Variants in CNGA1 observed in about 807,000 individuals in gnomAD.
CNGA1 encodes cyclic nucleotide gated channel subunit alpha 1, also known as cyclic nucleotide-gated channel alpha-1.
In CNGA1, 53 loss-of-function variants were observed where a neutral mutation model predicts 69.7. The observed-to-expected ratio is 0.76, with a 90% CI of 0.61 to 0.96. CNGA1 has a LOEUF of 0.96. Among genes scored for constraint, CNGA1 ranks in the 40% least tolerant of loss-of-function variants. The pLI is 0.00. For synonymous variants in CNGA1, 249 were observed against 283.5 expected, an observed-to-expected ratio of 0.88 and a Z score of 1.22; for missense variants, 739 against 811.2, an observed-to-expected ratio of 0.91 and a Z score of 1.08.
At chr4:47,983,608 AAAAAAGTAAAAG>A (rs879284092) in intron 2 of CNGA1, among the ~76,000 whole-genome samples, 8 of 149,568 alleles carry the variant, frequency 5.3e-5, no homozygotes, top group South Asian at 4.2e-4. Flanking sequence ...CAACAACAAA[AAAAAAGTAAAAG>A]AAAAAGAAAA....
chr4:47,989,829 A>G lies in CNGA1; in HGVS notation c.-122-8329T>C, dbSNP rs561512728. On this transcript the variant is annotated intron_variant, in intron 2 of 10. Coordinates refer to ENST00000514170, the MANE Select transcript of CNGA1 (RefSeq NM_001379270.1). ...CCTTTCCCCCTGATTCCCCAAGTCC[A>G]TTGTGTCATTCTTATTGCGGGAAGT... 1.4e-4 allele frequency among the ~76,000 whole-genome samples: 21 copies of G among 151,574 alleles called. 1 individual carries two copies. Among genetic ancestry groups the G allele is most frequent in the South Asian group, 6.2e-4 (3 of 4,818 alleles).
At chr4:47,945,605 C>G (rs1039121950) in intron 6 of CNGA1, among the ~76,000 whole-genome samples, 2 of 152,138 alleles carry the variant, frequency 1.3e-5, no homozygotes, top group South Asian at 4.2e-4. Context: ...ATGGTGTTTC[C>G]CACTGGGTCC....
chr4:47,985,375 C>A (rs1446018797), intron 2 of CNGA1, among the ~76,000 whole-genome samples: 1 of 152,152 alleles, frequency 6.6e-6, no homozygotes, highest in East Asian at 1.9e-4. Context: ...CTACCTCATA[C>A]ACAGATGATG....
At chr4:47,983,822 T>A (rs1741855821) in intron 2 of CNGA1, among the ~76,000 whole-genome samples, 1 of 152,144 alleles carries the variant, frequency 6.6e-6, no homozygotes, top group African/African-American at 2.4e-5. Flanking sequence ...ATCTACTTCA[T>A]CTTTTGAAGA....
At chr4:47,953,152 A>G (rs1402864382) in intron 3 of CNGA1, among the ~76,000 whole-genome samples, 1 of 151,970 alleles carries the variant, frequency 6.6e-6, no homozygotes, top group Non-Finnish European at 1.5e-5. Context: ...CAACCCTACC[A>G]TTTTTCTAAG....
rs1738615604 is a variant in CNGA1 at position 47,935,998 on chromosome 4, A to T, written c.*423T>A. 5.2e-6 allele frequency: 1 copy of T among 190,792 alleles called. No individual in the cohort carries two copies. The highest frequency in any genetic ancestry group is 1.0e-4 in the South Asian group (1 of 9,736). 11.8% of individuals were successfully genotyped at this position (190,792 alleles called of 1,614,324 possible). A position where few individuals can be genotyped will look rare whatever the true frequency, so the allele number is the denominator to read the frequency against. ...ACAGTTGCATAATTAATTTTACTTT[A>T]TTGCAGTCTAATTTTTAAAAATGTT... On this transcript the variant is annotated 3_prime_UTR_variant, in exon 11 of 11. Coordinates refer to ENST00000514170, the MANE Select transcript of CNGA1 (RefSeq NM_001379270.1).
At chr4:48,004,630 A>C (rs1018659482) in intron 2 of CNGA1, among the ~76,000 whole-genome samples, 1 of 152,164 alleles carries the variant, frequency 6.6e-6, no homozygotes, top group Non-Finnish European at 1.5e-5. Context: ...CTCATGTCCT[A>C]TAAAGAGAAA....
rs570089116 is a variant in CNGA1 at position 47,998,760 on chromosome 4, G to C, written c.-123+12034C>G. On this transcript the variant is annotated intron_variant, in intron 2 of 10. Coordinates refer to ENST00000514170, the MANE Select transcript of CNGA1 (RefSeq NM_001379270.1). ...ACTGCTGCACTCCAGTTGGGCAACA[G>C]AGCGAGACTCCATCTCAAAAATAAA... is the stretch of plus-strand genomic sequence containing the variant. 4.6e-5 allele frequency among the ~76,000 whole-genome samples: 7 copies of C among 152,230 alleles called. No homozygotes were observed. In the South Asian group the frequency reaches 1.5e-3, roughly 32 times the overall value.
intron 2 of CNGA1, among the ~76,000 whole-genome samples, chr4:48,010,593 A>T (rs909026269): frequency 9.9e-5 from 15 of 152,134 alleles, no homozygotes; most frequent in Non-Finnish European, 1.8e-4. Context: ...ATTCCAAGGA[A>T]TGGAATCTTA....
chr4:47,990,459 C>T (rs1394438723), intron 2 of CNGA1, among the ~76,000 whole-genome samples: 1 of 152,088 alleles, frequency 6.6e-6, no homozygotes, highest in East Asian at 1.9e-4. Context: ...TCTAGTCAGA[C>T]CAGTTCTCTG....
At chr4:48,000,861 T>C (rs944922008) in intron 2 of CNGA1, among the ~76,000 whole-genome samples, 1 of 152,198 alleles carries the variant, frequency 6.6e-6, no homozygotes, top group Non-Finnish European at 1.5e-5. Flanking sequence ...TATACTTTTG[T>C]ACCTAGGGAA....
At chr4:47,953,849 G>C (rs2110162684) in intron 3 of CNGA1, among the ~76,000 whole-genome samples, 1 of 152,342 alleles carries the variant, frequency 6.6e-6, no homozygotes, top group East Asian at 1.9e-4. Context: ...ACAGGGAAGT[G>C]CTGGGTAGAG....
At chr4:47,948,873 A>T (rs1739580085) in intron 6 of CNGA1, among the ~76,000 whole-genome samples, 1 of 152,158 alleles carries the variant, frequency 6.6e-6, no homozygotes, top group South Asian at 2.1e-4. Flanking sequence ...AGACCAGCAG[A>T]TGTGCTGGCT....
chr4:48,006,381 TAAC>T (rs1449233179), intron 2 of CNGA1, among the ~76,000 whole-genome samples: 1 of 152,164 alleles, frequency 6.6e-6, no homozygotes, highest in Non-Finnish European at 1.5e-5. Flanking sequence ...TAATTTAACA[TAAC>T]AATTATAATT....
chr4:47,951,382 C>T lies in CNGA1; in HGVS notation c.195G>A (p.Lys65=), dbSNP rs1197094380. The change falls in exon 5 of 11, where the codon AAG becomes AAA. Residue 65 remains lysine (K), a synonymous_variant. Transcript: ENST00000514170. ...NPHARGSFSY[K]SLRKGGPSQR... ...GTGATGGTCCTCCCTTTCTGAGTGA[C>T]TTATAACTAAAGGAACCCCTTGCAT... 6.8e-6 allele frequency: 11 copies of T among 1,612,916 alleles called. No individual in the cohort carries two copies. In the South Asian group the frequency reaches 1.2e-4, roughly 18 times the overall value.
At chr4:47,972,227 AATAC>A (rs1741085697) in intron 3 of CNGA1, among the ~76,000 whole-genome samples, 1 of 152,158 alleles carries the variant, frequency 6.6e-6, no homozygotes, top group Admixed American at 6.5e-5. Context: ...CCAGCCTATA[AATAC>A]ATAATATTTT....
intron 2 of CNGA1, among the ~76,000 whole-genome samples, chr4:47,998,366 G>A (rs1232123236): frequency 6.6e-6 from 1 of 152,186 alleles, no homozygotes; most frequent in Admixed American, 6.5e-5. Context: ...ACTGGACAAA[G>A]AATAACTTCC....
chr4:47,993,771 C>T (rs912319605), intron 2 of CNGA1, among the ~76,000 whole-genome samples: 37 of 151,828 alleles, frequency 2.4e-4, no homozygotes, highest in Non-Finnish European at 8.8e-5. Flanking sequence ...GAGGTGTGAC[C>T]TTAGATTGTC....
At chr4:47,988,530 A>G (rs1054431137) in intron 2 of CNGA1, among the ~76,000 whole-genome samples, 2 of 152,162 alleles carry the variant, frequency 1.3e-5, no homozygotes, top group Non-Finnish European at 2.9e-5. Context: ...TGAGGAAAAA[A>G]TAATAATAAT....
Sources: allele counts gnomAD v4.1 joint callset (sites outside exome capture counted in the v4.1 genomes callset), GRCh38; gene constraint gnomAD v4.1.1; transcripts MANE v1.5; gene names NCBI Gene and HGNC (gene_info 2026-07-23, HGNC 2026-07-21).